SLC35F1: variants seen among roughly 807,000 people sequenced by gnomAD.
SLC35F1 encodes chromosome 6 open reading frame 169.
In SLC35F1, 14 loss-of-function variants were observed where a neutral mutation model predicts 48.7. That is an observed-to-expected ratio of 0.29 (90% CI 0.19 to 0.45). The LOEUF (loss-of-function observed/expected upper bound fraction) is 0.45. SLC35F1 is among the 20% of genes least tolerant of loss of function. The pLI is 1.00. For synonymous variants in SLC35F1, 190 were observed against 202.2 expected, an observed-to-expected ratio of 0.94 and a Z score of 0.51; for missense variants, 404 against 500.0, an observed-to-expected ratio of 0.81 and a Z score of 1.83.
At chr6:117,942,095 A>G (rs1582576258) in intron 1 of SLC35F1, among the ~76,000 whole-genome samples, 1 of 152,328 alleles carries the variant, frequency 6.6e-6, no homozygotes, top group Admixed American at 6.5e-5. Flanking sequence ...AATACTCTCA[A>G]CAACACTTTG....
intron 1 of SLC35F1, among the ~76,000 whole-genome samples, chr6:117,928,343 T>C (rs1231716287): frequency 6.6e-6 from 1 of 152,136 alleles, no homozygotes; most frequent in African/African-American, 2.4e-5. Context: ...GCTTCCGCAG[T>C]CTGAATCAAT....
chr6:118,311,356 T>C (rs1776369653), intron 7 of SLC35F1, among the ~76,000 whole-genome samples: 1 of 152,228 alleles, frequency 6.6e-6, no homozygotes, highest in African/African-American at 2.4e-5. Context: ...TTTCTTTCTT[T>C]AGTCTGAAAC....
intron 1 of SLC35F1, among the ~76,000 whole-genome samples, chr6:118,131,318 A>G (rs2114422617): frequency 6.6e-6 from 1 of 152,324 alleles, no homozygotes; most frequent in African/African-American, 2.4e-5. Flanking sequence ...AATTTTTATT[A>G]AAGAGTTTTT....
At chr6:117,911,418 C>T (rs1775761985) in intron 1 of SLC35F1, among the ~76,000 whole-genome samples, 1 of 127,434 alleles carries the variant, frequency 7.8e-6, no homozygotes, top group South Asian at 3.2e-4. Context: ...TCCCTCCCTC[C>T]CTCCCTCCCT....
chr6:118,235,646 GTTC>G lies in SLC35F1; in HGVS notation c.477+17_477+19del, dbSNP rs1224112505. 2 of 1,608,092 alleles carry G rather than the reference GTTC, an allele frequency of 1.2e-6. No homozygotes were observed. The highest frequency in any genetic ancestry group is 1.3e-5 in the African/African-American group (1 of 74,622). The stretch of plus-strand genomic sequence containing the variant: ...TCTGACCAGTATCCAGGTACCCATG[GTTC>G]TTCTTCCCTTCTCAACTTCCTCTAT... On this transcript the variant is annotated intron_variant, in intron 3 of 7. Coordinates refer to ENST00000360388, the MANE Select transcript of SLC35F1 (RefSeq NM_001029858.4).
At chr6:118,143,579 T>C (rs1773923948) in intron 1 of SLC35F1, among the ~76,000 whole-genome samples, 1 of 152,210 alleles carries the variant, frequency 6.6e-6, no homozygotes, top group Admixed American at 6.5e-5. Context: ...GAGAATAAAC[T>C]TCTTAGTCAG....
chr6:118,302,196 G>A (rs1427557400), intron 7 of SLC35F1, among the ~76,000 whole-genome samples: 1 of 152,010 alleles, frequency 6.6e-6, no homozygotes, highest in East Asian at 1.9e-4. Flanking sequence ...CACTACTTAC[G>A]AGGAATGAGT....
chr6:118,103,216 C>A (rs192922546), intron 1 of SLC35F1, among the ~76,000 whole-genome samples: 1 of 152,220 alleles, frequency 6.6e-6, no homozygotes, highest in African/African-American at 2.4e-5. Context: ...AACTTAGTGA[C>A]CTCCTGCTTC....
At chr6:118,050,945 C>G (rs1772380904) in intron 1 of SLC35F1, among the ~76,000 whole-genome samples, 1 of 152,062 alleles carries the variant, frequency 6.6e-6, no homozygotes, top group African/African-American at 2.4e-5. Context: ...CTGATGAAAT[C>G]TCATGGAACT....
intron 2 of SLC35F1, among the ~76,000 whole-genome samples, chr6:118,171,368 A>G (rs1007618018): frequency 1.1e-4 from 16 of 152,330 alleles, no homozygotes; most frequent in African/African-American, 3.6e-4. Context: ...TTGTGATAAC[A>G]TTGATAAGCC....
intron 2 of SLC35F1, among the ~76,000 whole-genome samples, chr6:118,179,237 G>T (rs1001512931): frequency 6.6e-6 from 1 of 152,048 alleles, no homozygotes; most frequent in Non-Finnish European, 1.5e-5. Flanking sequence ...CTGAGGAGTC[G>T]CATGATCTGC....
chr6:118,229,049 C>A lies in SLC35F1; in HGVS notation c.350-6460C>A, dbSNP rs200743181. Among the ~76,000 whole-genome samples the A allele has an allele frequency of 1.1e-4, 17 of 151,792 alleles. No homozygotes were observed. In the East Asian group the frequency reaches 3.3e-3, roughly 29 times the overall value. ...TGAACAAGAATACTATGAATCAAGG[C>A]TCTTCTGTTTTCCAGTCATTGGCTT... On this transcript the variant is annotated intron_variant, in intron 2 of 7. Transcript: ENST00000360388.
At chr6:118,092,739 T>C (rs1197960248) in intron 1 of SLC35F1, among the ~76,000 whole-genome samples, 3 of 152,114 alleles carry the variant, frequency 2.0e-5, no homozygotes, top group Non-Finnish European at 4.4e-5. Context: ...ATGAGGTCAT[T>C]TTGGAACTTT....
At chr6:118,306,353 C>A (rs1776311872) in intron 7 of SLC35F1, among the ~76,000 whole-genome samples, 2 of 152,164 alleles carry the variant, frequency 1.3e-5, no homozygotes, top group South Asian at 4.1e-4. Flanking sequence ...CCATTTCCAC[C>A]CCTTGATTCC....
At chr6:117,966,131 G>GCCCCCCCCCCCCCCCCCCCC (rs35420310) in intron 1 of SLC35F1, among the ~76,000 whole-genome samples, 1 of 101,168 alleles carries the variant, frequency 9.9e-6, no homozygotes, top group African/African-American at 4.2e-5. Context: ...GCAGGCCACC[G>GCCCCCCCCCCCCCCCCCCCC]CCCCCCCCCC....
chr6:118,235,739 A>G (rs1775356427), intron 3 of SLC35F1, 103 bp downstream of exon 3: 7 of 1,253,308 alleles, frequency 5.6e-6, no homozygotes, highest in Non-Finnish European at 5.5e-6. Context: ...CTATCTGTAT[A>G]CTATACTATA....
intron 2 of SLC35F1, among the ~76,000 whole-genome samples, chr6:118,180,790 G>A (rs1774564724): frequency 6.6e-6 from 1 of 151,966 alleles, no homozygotes; most frequent in Admixed American, 6.6e-5. Context: ...AAGAGATAAT[G>A]GCAACAGATT....
intron 1 of SLC35F1, among the ~76,000 whole-genome samples, chr6:118,109,433 A>C (rs561572018): frequency 7.2e-4 from 110 of 152,278 alleles, no homozygotes; most frequent in African/African-American, 2.6e-3. Flanking sequence ...CTGGAGATAC[A>C]ACCATCTGCT....
rs147829925 is a variant in SLC35F1, at chr6:118,288,293, G to A, written c.1002+2955G>A. Reference sequence around the variant, plus strand: ...TTTTGGCAAGGTTAAGGGTGCACCCGTGACACAGCCTCAGGATGTGGTGAC... The same window carrying A: ...TTTTGGCAAGGTTAAGGGTGCACCCATGACACAGCCTCAGGATGTGGTGAC... On this transcript the variant is annotated intron_variant, in intron 7 of 7. Transcript: ENST00000360388. Among the ~76,000 whole-genome samples the A allele has an allele frequency of 1.8e-3, 277 of 152,276 alleles. 1 individual carries two copies. Among genetic ancestry groups the A allele is most frequent in the African/African-American group, 6.3e-3 (263 of 41,548 alleles).
Sources: allele counts gnomAD v4.1 joint callset (sites outside exome capture counted in the v4.1 genomes callset), GRCh38; gene constraint gnomAD v4.1.1; transcripts MANE v1.5; gene names NCBI Gene and HGNC (gene_info 2026-07-23, HGNC 2026-07-21).